The following PKHD1L1 variants were observed in gnomAD, a reference collection of about 807,000 sequenced individuals.
PKHD1L1 encodes the protein fibrocystin-L.
Under a neutral mutation model 462.9 loss-of-function variants are expected in PKHD1L1, and 434 were observed. That is an observed-to-expected ratio of 0.94 (90% CI 0.87 to 1.02). The LOEUF (loss-of-function observed/expected upper bound fraction) is 1.02, where lower values mean the gene tolerates loss of function less well. Among genes scored for constraint, PKHD1L1 ranks in the 50% least tolerant of loss-of-function variants. The probability of loss-of-function intolerance (pLI) is 0.00; values close to 1 mark genes in which losing one functional copy is unlikely to be tolerated. For synonymous variants in PKHD1L1, 1,781 were observed against 1,750.0 expected, an observed-to-expected ratio of 1.02 and a Z score of -0.44; for missense variants, 5,202 against 5,096.1, an observed-to-expected ratio of 1.02 and a Z score of -0.63.
chr8:109,502,786 G>A (rs554459018), intron 67 of PKHD1L1, among the ~76,000 whole-genome samples: 26 of 152,356 alleles, frequency 1.7e-4, no homozygotes, highest in African/African-American at 6.0e-4. Context: ...GGCAGAGGAA[G>A]GAGCTAAGCA....
Position 109,452,144 on chromosome 8 carries a change from A to G in PKHD1L1, c.6371A>G (p.His2124Arg), listed in dbSNP as rs763340331. ...SGFSENMEDV[H>R]ITIAEAKCDV... ...TACAGTGAAAATATGGAGGATGTTC[A>G]TATCACCATAGCTGAAGCCAAATGT... is the stretch of plus-strand genomic sequence containing the variant. The change falls in exon 42 of 78, where the codon CAT (histidine) becomes CGT (arginine). Residue 2124 changes from histidine to arginine, a missense_variant. Transcript: ENST00000378402. 1.9e-6 allele frequency: 3 copies of G among 1,610,628 alleles called. No individual in the cohort carries two copies. The highest frequency in any genetic ancestry group is 8.5e-7 in the Non-Finnish European group (1 of 1,178,548).
chr8:109,529,572 A>G (rs997250839), intron 77 of PKHD1L1, among the ~76,000 whole-genome samples: 3 of 152,182 alleles, frequency 2.0e-5, no homozygotes, highest in African/African-American at 2.4e-5. Context: ...CAACTTTGGT[A>G]CTTTACCAAA....
intron 71 of PKHD1L1, among the ~76,000 whole-genome samples, chr8:109,514,085 G>C (rs1176939419): frequency 5.3e-5 from 8 of 152,026 alleles, no homozygotes; most frequent in Admixed American, 3.9e-4. Context: ...GAGCTCTCTG[G>C]CTTCTTCTAC....
chr8:109,473,728 T>C (rs1039132771), intron 50 of PKHD1L1, among the ~76,000 whole-genome samples: 8 of 152,060 alleles, frequency 5.3e-5, no homozygotes, highest in Non-Finnish European at 1.0e-4. Context: ...ACAGGCTAGG[T>C]TGATTGATCT....
rs756484804 is a variant in PKHD1L1 at position 109,400,140 on chromosome 8, G to A, written c.1077G>A (p.Leu359=). The A allele has an allele frequency of 4.3e-6, 7 of 1,613,606 alleles. No individual in the cohort carries two copies. The Admixed American group carries it at 1.0e-4, about 23-fold the overall frequency. Residue 359 remains leucine (L), a synonymous_variant, in exon 13 of 78, where the codon CTG becomes CTA. Transcript: ENST00000378402. ...NSRPIRLEEI[L]EYNEKTPGYM... Reference sequence around the variant, plus strand: ...GTCCAATACGTTTGGAAGAGATACTGGAATACAATGAAAAAACGCCTGGGT... The same window carrying A: ...GTCCAATACGTTTGGAAGAGATACTAGAATACAATGAAAAAACGCCTGGGT...
At chr8:109,381,254 C>A in intron 2 of PKHD1L1, 116 bp from the exon 3 acceptor site, 1 of 891,542 alleles carries the variant, frequency 1.1e-6, no homozygotes, top group East Asian at 2.7e-5. Flanking sequence ...AATAGGTTCA[C>A]TGCTTCAGTA....
At chr8:109,438,252 T>C in intron 30 of PKHD1L1, 72 bp from the exon 31 acceptor site, 1 of 1,110,824 alleles carries the variant, frequency 9.0e-7, no homozygotes, top group Non-Finnish European at 1.2e-6. Flanking sequence ...CTGAATAATC[T>C]ATTTCTTTTC....
chr8:109,397,432 T>C (rs1261745920), intron 11 of PKHD1L1, among the ~76,000 whole-genome samples: 2 of 152,022 alleles, frequency 1.3e-5, no homozygotes, highest in African/African-American at 4.8e-5. Flanking sequence ...TCCCAGCAGT[T>C]TGGGAGGCTG....
intron 50 of PKHD1L1, chr8:109,471,016 A>G: frequency 1.2e-6 from 2 of 1,610,008 alleles, no homozygotes; most frequent in East Asian, 2.2e-5. Context: ...CAGTTGGGTC[A>G]CCACTTAAGT....
At chr8:109,422,822 T>C (rs140835226) in intron 23 of PKHD1L1, among the ~76,000 whole-genome samples, 2 of 152,322 alleles carry the variant, frequency 1.3e-5, no homozygotes, top group African/African-American at 2.4e-5. Context: ...GTTGTACCAT[T>C]TTAGATTCCC....
rs1045757312 is a variant in PKHD1L1, at chr8:109,382,584, C to T, written c.417+13C>T. The T allele has an allele frequency of 6.3e-7, 1 of 1,594,666 alleles. No individual in the cohort carries two copies. Among genetic ancestry groups the T allele is most frequent in the Non-Finnish European group, 8.6e-7 (1 of 1,168,084 alleles). On this transcript the variant is annotated intron_variant, in intron 4 of 77. Coordinates refer to ENST00000378402, the MANE Select transcript of PKHD1L1 (RefSeq NM_177531.6). ...ATGTACCTTCAACGTATGTAGGAAT[C>T]TTCTCTTCAGTTTATGTATAGTTGA...
In PKHD1L1 at chr8:109,409,908, C is replaced by T. The variant is rs757494250; in HGVS notation, c.2015C>T (p.Pro672Leu). The T allele has an allele frequency of 6.2e-7, 1 of 1,606,610 alleles. No individual in the cohort carries two copies. Among genetic ancestry groups the T allele is most frequent in the South Asian group, 1.1e-5 (1 of 89,366 alleles). Reference sequence around the variant, plus strand: ...GAAATGGTTAGCACTAAGTGTCCACCACAAATTGCAAATTTTGAAGAAGGA... The same window carrying T: ...GAAATGGTTAGCACTAAGTGTCCACTACAAATTGCAAATTTTGAAGAAGGA... ...VEEMVSTKCP[P>L]QIANFEEGFV... Residue 672 changes from proline to leucine, a missense_variant, in exon 19 of 78, where the codon CCA becomes CTA. Coordinates refer to ENST00000378402, the MANE Select transcript of PKHD1L1 (RefSeq NM_177531.6).
At chr8:109,427,727 A>G (rs948144489) in intron 25 of PKHD1L1, among the ~76,000 whole-genome samples, 1 of 152,108 alleles carries the variant, frequency 6.6e-6, no homozygotes, top group Non-Finnish European at 1.5e-5. Flanking sequence ...GTCAAACATT[A>G]AAAAGATGAT....
At chr8:109,487,045 C>G (rs1487138886) in intron 59 of PKHD1L1, among the ~76,000 whole-genome samples, 1 of 151,996 alleles carries the variant, frequency 6.6e-6, no homozygotes, top group Non-Finnish European at 1.5e-5. Flanking sequence ...TTAACAATGA[C>G]CTTAGGTAAC....
At chr8:109,519,758 A>G (rs1008054941) in intron 73 of PKHD1L1, among the ~76,000 whole-genome samples, 2 of 152,122 alleles carry the variant, frequency 1.3e-5, no homozygotes, top group African/African-American at 4.8e-5. Context: ...CAAATCATTG[A>G]ATGTTATTAT....
At chr8:109,509,657 T>C (rs892737784) in intron 70 of PKHD1L1, among the ~76,000 whole-genome samples, 2 of 151,726 alleles carry the variant, frequency 1.3e-5, no homozygotes, top group South Asian at 2.1e-4. Flanking sequence ...AAAATATGAC[T>C]TTTGTCTCTA....
chr8:109,400,059 T>C lies in PKHD1L1; in HGVS notation c.1013-17T>C. On this transcript the variant is annotated splice_polypyrimidine_tract_variant and intron_variant, in intron 12 of 77. Coordinates refer to ENST00000378402, the MANE Select transcript of PKHD1L1 (RefSeq NM_177531.6). ...TATGATCCTGATGAAAGTCTTATTTTATTTCATTACACTTAGGAGGGAGAG... is the reference window on the plus strand; with the variant it reads ...TATGATCCTGATGAAAGTCTTATTTCATTTCATTACACTTAGGAGGGAGAG... 1.9e-6 allele frequency: 3 copies of C among 1,585,570 alleles called. No homozygotes were observed. The highest frequency in any genetic ancestry group is 2.3e-5 in the South Asian group (2 of 87,052).
rs147522177 is a variant in PKHD1L1 at position 109,463,026 on chromosome 8, C to G, written c.7383+1118C>G. Among the ~76,000 whole-genome samples, 529 of 152,220 alleles carry G rather than the reference C, an allele frequency of 3.5e-3. 5 individuals are homozygous for G. The highest frequency in any genetic ancestry group is 0.012 in the African/African-American group (482 of 41,546). ...TTATACATAACTCCTAATAGGATATCTGTTTTTATTTATTTTCAACCTCTT... is the reference window on the plus strand; with the variant it reads ...TTATACATAACTCCTAATAGGATATGTGTTTTTATTTATTTTCAACCTCTT... On this transcript the variant is annotated intron_variant, in intron 48 of 77. Coordinates refer to ENST00000378402, the MANE Select transcript of PKHD1L1 (RefSeq NM_177531.6).
rs770599698 is a variant in PKHD1L1 at position 109,384,053 on chromosome 8, CATT to C, written c.418-13_418-11del. ...AAACAGAGATAAGTTTTCATATTGACATTATTCTTTTTACAGGCAAAAAGTTTT... is the reference window on the plus strand; with the variant it reads ...AAACAGAGATAAGTTTTCATATTGACATTCTTTTTACAGGCAAAAAGTTTT... On this transcript the variant is annotated splice_polypyrimidine_tract_variant and intron_variant, in intron 4 of 77. Coordinates refer to ENST00000378402, the MANE Select transcript of PKHD1L1 (RefSeq NM_177531.6). 4.5e-6 allele frequency: 7 copies of C among 1,554,842 alleles called. No homozygotes were observed. Among genetic ancestry groups the C allele is most frequent in the Admixed American group, 3.4e-5 (2 of 59,190 alleles).
Sources: gnomAD v4.1 joint callset for allele counts (sites outside exome capture counted in the v4.1 genomes callset) on GRCh38, gnomAD v4.1.1 for gene constraint, MANE v1.5 for transcripts, NCBI Gene and HGNC (gene_info 2026-07-23, HGNC 2026-07-21) for gene names.